Variants in BICDL1 observed in about 807,000 individuals in gnomAD.
The protein encoded by BICDL1 is BICD family like cargo adaptor 1, also known as BICD family-like cargo adapter 1.
In BICDL1, 20 loss-of-function variants were observed where a neutral mutation model predicts 76.8. The observed-to-expected ratio is 0.26, with a 90% CI of 0.18 to 0.38. The LOEUF is 0.38. Ranked by LOEUF, BICDL1 falls within the 10% of genes least tolerant of loss-of-function variation. The pLI, the probability that BICDL1 is intolerant of heterozygous loss-of-function variation, is 1.00. For synonymous variants in BICDL1, 383 were observed against 337.1 expected, an observed-to-expected ratio of 1.14 and a Z score of -1.49; for missense variants, 700 against 798.6, an observed-to-expected ratio of 0.88 and a Z score of 1.49.
chr12:120,019,722 C>G (rs565019656), intron 2 of BICDL1, among the ~76,000 whole-genome samples: 18 of 152,056 alleles, frequency 1.2e-4, no homozygotes, highest in Non-Finnish European at 2.2e-4. Flanking sequence ...GTAGCTGGGA[C>G]TACAGGTGTC....
chr12:120,042,482 G>A (rs1952661913), intron 2 of BICDL1, among the ~76,000 whole-genome samples: 1 of 152,090 alleles, frequency 6.6e-6, no homozygotes, highest in Non-Finnish European at 1.5e-5. Context: ...TGTTCCAAGT[G>A]GATGTGGTAA....
chr12:120,005,442 C>T lies in BICDL1; in HGVS notation c.645+6706C>T, dbSNP rs542168918. ...TGGCTGGAGTGTAGTGGCACAATCT[C>T]GGCACACTGCAACCTCCACCTCCTG... On this transcript the variant is annotated intron_variant, in intron 2 of 9. Coordinates refer to ENST00000548673, the MANE Select transcript of BICDL1 (RefSeq NM_001367886.1). Among the ~76,000 whole-genome samples the T allele has an allele frequency of 3.3e-5, 5 of 152,288 alleles. No individual in the cohort carries two copies. The South Asian group carries it at 8.3e-4, about 25-fold the overall frequency.
At position 120,094,088 on chromosome 12, in the gene BICDL1, G is replaced by A. The variant is rs950474674; in HGVS notation, c.*927G>A. On this transcript the variant is annotated 3_prime_UTR_variant, in exon 10 of 10. Transcript: ENST00000548673. Reference sequence around the variant, plus strand: ...ACCTTGAGGGCAGCACAGGCACCACGGGGTGGAGGGGAGGGGGAGGCTGCC... The same window carrying A: ...ACCTTGAGGGCAGCACAGGCACCACAGGGTGGAGGGGAGGGGGAGGCTGCC... The A allele has an allele frequency of 1.2e-5, 5 of 411,560 alleles. No homozygotes were observed. Among genetic ancestry groups the A allele is most frequent in the South Asian group, 6.8e-5 (4 of 59,044 alleles). The allele number at this position is 411,560 out of a possible 1,614,324, so 25.5% of individuals were successfully genotyped here.
intron 1 of BICDL1, among the ~76,000 whole-genome samples, chr12:119,994,894 T>C (rs544712185): frequency 2.0e-5 from 3 of 152,340 alleles, no homozygotes; most frequent in South Asian, 2.1e-4. Context: ...TAACATCTTA[T>C]AATAGTATGG....
chr12:120,056,569 A>G (rs972416953), intron 2 of BICDL1, among the ~76,000 whole-genome samples: 1 of 152,138 alleles, frequency 6.6e-6, no homozygotes, highest in Non-Finnish European at 1.5e-5. Flanking sequence ...AAATACAAAA[A>G]TTAGCTGGGC....
chr12:120,093,553 A>T lies in BICDL1; in HGVS notation c.*392A>T, dbSNP rs1383242063. On this transcript the variant is annotated 3_prime_UTR_variant, in exon 10 of 10. Coordinates refer to ENST00000548673, the MANE Select transcript of BICDL1 (RefSeq NM_001367886.1). ...AGCAAATGGGGAACAGAAGGAATGG[A>T]GGCCCTTCTCTGCATGCCTCAGGAG... 4.6e-6 allele frequency: 1 copy of T among 219,706 alleles called. No individual in the cohort carries two copies. The highest frequency in any genetic ancestry group is 9.4e-6 in the Non-Finnish European group (1 of 106,578). 13.6% of individuals were successfully genotyped at this position (219,706 alleles called of 1,614,324 possible). A position where few individuals can be genotyped will look rare whatever the true frequency, so the allele number is the denominator to read the frequency against.
chr12:120,090,883 T>C, intron 9 of BICDL1: 1 of 1,288,736 alleles, frequency 7.8e-7, no homozygotes, highest in Non-Finnish European at 1.0e-6. Context: ...GGCTGACCGC[T>C]GCTCTCTCTC....
chr12:120,064,824 A>T lies in BICDL1; in HGVS notation c.854A>T (p.Glu285Val). Reference protein sequence around the residue: ...ENDLLQGTVEELQDRVLILER... With the variant: ...ENDLLQGTVEVLQDRVLILER... ...GACCTGCTCCAAGGGACCGTGGAGGAGCTACAGGACCGGGTGCTAATCCTG... is the reference window on the plus strand; with the variant it reads ...GACCTGCTCCAAGGGACCGTGGAGGTGCTACAGGACCGGGTGCTAATCCTG... The change falls in exon 4 of 10, where the codon GAG becomes GTG. Residue 285 changes from glutamate (E) to valine (V), a missense_variant. Coordinates refer to ENST00000548673, the MANE Select transcript of BICDL1 (RefSeq NM_001367886.1). 8 of 1,613,560 alleles carry T rather than the reference A, an allele frequency of 5.0e-6. No homozygotes were observed. The highest frequency in any genetic ancestry group is 6.8e-6 in the Non-Finnish European group (8 of 1,179,734).
At chr12:120,076,726 A>G (rs1873576159) in intron 7 of BICDL1, among the ~76,000 whole-genome samples, 1 of 152,246 alleles carries the variant, frequency 6.6e-6, no homozygotes, top group South Asian at 2.1e-4. Context: ...GTCAAAGCAG[A>G]AAACCTCTCA....
chr12:120,085,424 T>TAG (rs1417256503), intron 8 of BICDL1, among the ~76,000 whole-genome samples: 1 of 152,126 alleles, frequency 6.6e-6, no homozygotes, highest in African/African-American at 2.4e-5. Flanking sequence ...AACAGTGTGA[T>TAG]AGAGGAGGCA....
intron 1 of BICDL1, 55 bp from the exon 2 acceptor site, chr12:119,998,466 A>G (rs1452645851): frequency 6.7e-7 from 1 of 1,491,356 alleles, no homozygotes; most frequent in East Asian, 2.3e-5. Flanking sequence ...GGAGAGAAAA[A>G]ATAAAAGGCT....
chr12:120,027,313 C>T (rs1231723851), intron 2 of BICDL1, among the ~76,000 whole-genome samples: 2 of 152,118 alleles, frequency 1.3e-5, no homozygotes, highest in African/African-American at 2.4e-5. Flanking sequence ...TGAGCCACCA[C>T]ACCCAGCTGG....
intron 8 of BICDL1, among the ~76,000 whole-genome samples, chr12:120,088,884 T>C (rs1370063272): frequency 6.6e-6 from 1 of 151,074 alleles, no homozygotes; most frequent in Non-Finnish European, 1.5e-5. Flanking sequence ...CAGGATGGTC[T>C]CAATCTCCTG....
At chr12:120,007,227 G>C (rs1166440454) in intron 2 of BICDL1, among the ~76,000 whole-genome samples, 1 of 152,214 alleles carries the variant, frequency 6.6e-6, no homozygotes, top group Non-Finnish European at 1.5e-5. Flanking sequence ...ATCTTAGACT[G>C]TGTGGATAAT....
intron 2 of BICDL1, among the ~76,000 whole-genome samples, chr12:120,038,769 A>T (rs945598935): frequency 1.3e-5 from 2 of 152,098 alleles, no homozygotes; most frequent in Non-Finnish European, 2.9e-5. Context: ...GAAAGTCACA[A>T]CCTCTTTGAA....
chr12:120,038,421 ATAGT>A (rs991553619), intron 2 of BICDL1, among the ~76,000 whole-genome samples: 5 of 152,218 alleles, frequency 3.3e-5, no homozygotes, highest in South Asian at 4.1e-4. Flanking sequence ...CAATGTGTTC[ATAGT>A]TAGAGCTTTA....
chr12:120,029,811 G>A (rs1952385635), intron 2 of BICDL1, among the ~76,000 whole-genome samples: 2 of 151,962 alleles, frequency 1.3e-5, no homozygotes, highest in African/African-American at 4.8e-5. Flanking sequence ...CCCGTCAGCT[G>A]TAATCTTTGT....
chr12:120,075,750 C>T (rs1873493082), intron 7 of BICDL1, among the ~76,000 whole-genome samples: 1 of 152,246 alleles, frequency 6.6e-6, no homozygotes, highest in Non-Finnish European at 1.5e-5. Flanking sequence ...TGGGAGTCAT[C>T]CCGTTAGTCT....
At chr12:119,997,599 T>A (rs1951676981) in intron 1 of BICDL1, among the ~76,000 whole-genome samples, 1 of 152,230 alleles carries the variant, frequency 6.6e-6, no homozygotes, top group Admixed American at 6.5e-5. Context: ...AGCTGTGACT[T>A]AGAGAACCAG....
Sources: gnomAD v4.1 joint callset for allele counts (sites outside exome capture counted in the v4.1 genomes callset) on GRCh38, gnomAD v4.1.1 for gene constraint, MANE v1.5 for transcripts, NCBI Gene and HGNC (gene_info 2026-07-23, HGNC 2026-07-21) for gene names.